ADAM28: variants seen among roughly 807,000 people sequenced by gnomAD.
The protein encoded by ADAM28 is ADAM metallopeptidase domain 28.
In ADAM28, 105 loss-of-function variants were observed where a neutral mutation model predicts 101.2. The observed-to-expected ratio is 1.04, with a 90% CI of 0.89 to 1.22. The LOEUF is 1.22. Ranked by LOEUF, ADAM28 falls within the 50% of genes most tolerant of loss-of-function variation. ADAM28 has a pLI of 0.00. For synonymous variants in ADAM28, 322 were observed against 310.6 expected (o/e 1.04, Z -0.39); for missense variants, 1,028 against 945.4 (o/e 1.09, Z -1.15).
At position 24,339,483 on chromosome 8, in the gene ADAM28, A is replaced by G. The variant is rs771260709; in HGVS notation, c.1585A>G (p.Lys529Glu). Residue 529 changes from lysine to glutamate, a missense_variant, in exon 15 of 23, where the codon AAG (lysine) becomes GAG (glutamate). Physicochemically the swap from Lys to Glu is moderately conservative, Grantham distance 56 (BLOSUM62 1). Transcript: ENST00000265769. The part of the protein sequence containing the change: ...LWGPGTEVAD[K>E]SCYNRNEGGS... ...GGTCCCAGGAACTGAGGTTGCAGAT[A>G]AGTCATGTTACAACAGGAATGAAGG... 6.2e-7 allele frequency: 1 copy of G among 1,613,154 alleles called. No homozygotes were observed. Among genetic ancestry groups the G allele is most frequent in the Non-Finnish European group, 8.5e-7 (1 of 1,179,484 alleles).
At chr8:24,336,580 C>CAAAAAAAAAAA (rs769016133) in intron 14 of ADAM28, among the ~76,000 whole-genome samples, 271 of 60,750 alleles carry the variant, frequency 4.5e-3, no homozygotes, top group East Asian at 7.8e-3. Context: ...ACTCCGTCTC[C>CAAAAAAAAAAA]AAAAAAAAAA....
chr8:24,318,443 C>A (rs1015579490), intron 6 of ADAM28, among the ~76,000 whole-genome samples: 3 of 151,956 alleles, frequency 2.0e-5, no homozygotes, highest in Non-Finnish European at 4.4e-5. Flanking sequence ...TCTTACCCTG[C>A]CCTGTGCCTT....
chr8:24,339,635 T>G, intron 15 of ADAM28, 67 bp downstream of exon 15: 1 of 1,305,140 alleles, frequency 7.7e-7, no homozygotes, highest in Non-Finnish European at 1.1e-6. Context: ...CAGCTACACA[T>G]TCTGATTTAT....
intron 1 of ADAM28, among the ~76,000 whole-genome samples, chr8:24,299,527 C>T (rs1190734636): frequency 6.6e-6 from 1 of 152,026 alleles, no homozygotes; most frequent in Non-Finnish European, 1.5e-5. Context: ...AAAAATTGTG[C>T]ACATTAGTTA....
intron 11 of ADAM28, 107 bp downstream of exon 11, chr8:24,330,222 C>T (rs781731587): frequency 2.8e-4 from 381 of 1,367,368 alleles, no homozygotes; most frequent in Non-Finnish European, 3.7e-4. Context: ...GTTTTTGAGT[C>T]ACTAAATGTG....
Position 24,331,156 on chromosome 8 carries a change from T to C in ADAM28, c.1110T>C (p.Tyr370=), listed in dbSNP as rs760445061. The change falls in exon 12 of 23, where the codon TAT becomes TAC. Residue 370 remains tyrosine (Y), a synonymous_variant. Transcript: ENST00000265769. ...ICVMDKALSF[Y]IPTDFSSCSR... is the part of the protein sequence containing the mutation. ...TCTTTCCTTATCTTCACAGCTTCTA[T>C]ATACCCACAGACTTCAGTTCCTGCA... The C allele has an allele frequency of 5.2e-5, 83 of 1,610,246 alleles. No individual in the cohort carries two copies. The highest frequency in any genetic ancestry group is 6.5e-5 in the Non-Finnish European group (77 of 1,178,372).
chr8:24,294,099 GCACCCACCTGAGCGAGAAGAGCAGA>G lies in ADAM28; in HGVS notation c.-46_-22del, dbSNP rs757419890. 1.2e-6 allele frequency: 2 copies of G among 1,607,704 alleles called. No homozygotes were observed. Among genetic ancestry groups the G allele is most frequent in the Non-Finnish European group, 1.7e-6 (2 of 1,174,224 alleles). On this transcript the variant is annotated 5_prime_UTR_variant, in exon 1 of 23. Transcript: ENST00000265769. ...AGAGGAGGCAGGGACAGACCCAGCA[GCACCCACCTGAGCGAGAAGAGCAGA>G]CACCGTGCTCCTGGAATCACCCAGC...
intron 18 of ADAM28, 24 bp from the exon 19 acceptor site, chr8:24,349,840 G>A (rs1815852224): frequency 1.9e-6 from 3 of 1,600,328 alleles, no homozygotes; most frequent in Non-Finnish European, 2.6e-6. Flanking sequence ...GCAGTCCTCA[G>A]CGGGCCCCTG....
At chr8:24,314,116 G>A (rs1585570259) in intron 6 of ADAM28, among the ~76,000 whole-genome samples, 1 of 152,114 alleles carries the variant, frequency 6.6e-6, no homozygotes, top group South Asian at 2.1e-4. Flanking sequence ...AAATATAACT[G>A]CCCTCTAGAA....
intron 14 of ADAM28, chr8:24,336,261 C>T (rs780542790): frequency 2.2e-5 from 18 of 805,408 alleles, no homozygotes; most frequent in Middle Eastern, 6.4e-4. Context: ...AAGAGATATC[C>T]GAAAATTTAA....
Position 24,355,071 on chromosome 8 carries a change from T to C in ADAM28, c.*667T>C, listed in dbSNP as rs1445111506. The C allele has an allele frequency of 6.6e-6, 1 of 152,614 alleles. No individual in the cohort carries two copies. Among genetic ancestry groups the C allele is most frequent in the Non-Finnish European group, 1.5e-5 (1 of 68,024 alleles). 9.5% of individuals were successfully genotyped at this position (152,614 alleles called of 1,614,324 possible). A position where few individuals can be genotyped will look rare whatever the true frequency, so the allele number is the denominator to read the frequency against. ...AACCAGGTTGCGAACTGGTGACCTG[T>C]AGGCCATGTTTGCACTGCAAATATA... On this transcript the variant is annotated 3_prime_UTR_variant, in exon 23 of 23. Coordinates refer to ENST00000265769, the MANE Select transcript of ADAM28 (RefSeq NM_014265.6).
chr8:24,315,742 C>G (rs747379962), intron 6 of ADAM28, among the ~76,000 whole-genome samples: 5 of 151,854 alleles, frequency 3.3e-5, no homozygotes, highest in Non-Finnish European at 7.4e-5. Context: ...CTGACAAACA[C>G]TGAGGTAAAA....
At position 24,357,786 on chromosome 8, in the gene ADAM28, G is replaced by A. The variant is rs575391116; in HGVS notation, c.*3382G>A. 1.3e-5 allele frequency: 2 copies of A among 151,188 alleles called. No homozygotes were observed. Among genetic ancestry groups the A allele is most frequent in the Non-Finnish European group, 2.9e-5 (2 of 67,854 alleles). The allele number at this position is 151,188 out of a possible 1,614,324, so 9.4% of individuals were successfully genotyped here. ...TTTTTTTCCTTTCTTTGTGTCTCTA[G>A]TCTCTTCCATTTGTTCTCCCTTCTT... On this transcript the variant is annotated 3_prime_UTR_variant, in exon 23 of 23. Transcript: ENST00000265769.
rs1814787469 is a variant in ADAM28 at position 24,341,698 on chromosome 8, G to A, written c.1771G>A (p.Glu591Lys). 6.2e-7 allele frequency: 1 copy of A among 1,613,886 alleles called. No homozygotes were observed. Among genetic ancestry groups the A allele is most frequent in the Non-Finnish European group, 8.5e-7 (1 of 1,179,852 alleles). The change falls in exon 16 of 23, where the codon GAA becomes AAA. Residue 591 changes from glutamate to lysine, a missense_variant. Physicochemically the swap from Glu to Lys is moderately conservative, Grantham distance 56. Coordinates refer to ENST00000265769, the MANE Select transcript of ADAM28 (RefSeq NM_014265.6). ...CCTGACATGTAAAACATTTGATCCT[G>A]AAGACACAAGTCAAGAAATAGGCAT... ...TFLTCKTFDP[E>K]DTSQEIGMVA...
intron 3 of ADAM28, 34 bp from the exon 4 acceptor site, chr8:24,310,129 A>G: frequency 6.2e-7 from 1 of 1,606,356 alleles, no homozygotes; most frequent in Non-Finnish European, 8.5e-7. Flanking sequence ...AATCAGCACA[A>G]GTAACCACAA....
chr8:24,313,447 G>C lies in ADAM28; in HGVS notation c.443G>C (p.Arg148Pro), dbSNP rs35186768. 2.5e-6 allele frequency: 4 copies of C among 1,613,694 alleles called. No homozygotes were observed. The Admixed American group carries it at 6.7e-5, about 27-fold the overall frequency. Residue 148 changes from arginine (R) to proline (P), a missense_variant, in exon 6 of 23, where the codon CGG (arginine) becomes CCG (proline). By Grantham distance (103) the Arg-to-Pro change is moderately radical (BLOSUM62 -2). Transcript: ENST00000265769. Reference sequence around the variant, plus strand: ...ATTGAACCTTTAAGCCCCATACATCGGGATGGACAGGAGCATGCACTCTTC... The same window carrying C: ...ATTGAACCTTTAAGCCCCATACATCCGGATGGACAGGAGCATGCACTCTTC... ...YFIEPLSPIH[R>P]DGQEHALFKY...
At chr8:24,313,350 A>G (rs1810722564) in intron 5 of ADAM28, 38 bp from the exon 6 acceptor site, 2 of 1,560,266 alleles carry the variant, frequency 1.3e-6, no homozygotes, top group African/African-American at 2.7e-5. Flanking sequence ...TAATGCAACA[A>G]TATTTGTTAA....
Position 24,356,843 on chromosome 8 carries a change from A to G in ADAM28, c.*2439A>G, listed in dbSNP as rs2097510473. 1.3e-5 allele frequency: 2 copies of G among 152,078 alleles called. No homozygotes were observed. The highest frequency in any genetic ancestry group is 1.3e-4 in the Admixed American group (2 of 15,258). 9.4% of individuals were successfully genotyped at this position (152,078 alleles called of 1,614,324 possible). A position where few individuals can be genotyped will look rare whatever the true frequency, so the allele number is the denominator to read the frequency against. On this transcript the variant is annotated 3_prime_UTR_variant, in exon 23 of 23. Transcript: ENST00000265769. ...CCTTAGTGTTTGTCTACTTATTACA[A>G]CTCACCAAATTACTGGTTTTATATG... is the stretch of plus-strand genomic sequence containing the variant.
intron 15 of ADAM28, 48 bp downstream of exon 15, chr8:24,339,616 G>A: frequency 1.4e-6 from 2 of 1,448,740 alleles, no homozygotes; most frequent in Non-Finnish European, 1.9e-6. Context: ...TAGAGCAATG[G>A]TACACTTCCA....
Sources: allele counts gnomAD v4.1 joint callset (sites outside exome capture counted in the v4.1 genomes callset), GRCh38; gene constraint gnomAD v4.1.1; transcripts MANE v1.5; gene names NCBI Gene and HGNC (gene_info 2026-07-23, HGNC 2026-07-21).